The following PLCXD3 variants were observed in gnomAD, a reference collection of about 807,000 sequenced individuals.
PLCXD3 encodes PI-PLC X domain-containing protein 3.
Under a neutral mutation model 25.5 loss-of-function variants are expected in PLCXD3, and 19 were observed. The observed-to-expected ratio is 0.75, with a 90% CI of 0.52 to 1.09. The LOEUF (loss-of-function observed/expected upper bound fraction) is 1.09. PLCXD3 is among the 50% of genes least tolerant of loss of function. PLCXD3 has a pLI of 0.00. For synonymous variants in PLCXD3, 174 were observed against 137.6 expected, an observed-to-expected ratio of 1.26 and a Z score of -1.85; for missense variants, 411 against 388.1, an observed-to-expected ratio of 1.06 and a Z score of -0.50.
chr5:41,343,285 T>C (rs984364967), intron 2 of PLCXD3, among the ~76,000 whole-genome samples: 1 of 152,130 alleles, frequency 6.6e-6, no homozygotes, highest in African/African-American at 2.4e-5. Flanking sequence ...GATTTTTTCC[T>C]TCAAGTGGAA....
chr5:41,313,649 A>T lies in PLCXD3; in HGVS notation c.934T>A (p.Tyr312Asn), dbSNP rs759428555. Reference protein sequence around the residue: ...DFISTVIKLNYVFDEGEANT With the variant: ...DFISTVIKLNNVFDEGEANT ...TTGGCTTCTCCTTCATCAAAGACAT[A>T]GTTGAGCTTTATGACAGTGCTGATA... is the stretch of plus-strand genomic sequence containing the variant. Residue 312 changes from tyrosine (Y) to asparagine (N), a missense_variant, in exon 3 of 3, where the codon TAT becomes AAT. Physicochemically the swap from Tyr to Asn is moderately radical, Grantham distance 143. Coordinates refer to ENST00000377801, the MANE Select transcript of PLCXD3 (RefSeq NM_001005473.3). 5.0e-6 allele frequency: 8 copies of T among 1,613,738 alleles called. No individual in the cohort carries two copies. In the East Asian group the frequency reaches 1.8e-4, roughly 36 times the overall value.
chr5:41,354,690 G>A (rs559062838), intron 2 of PLCXD3, among the ~76,000 whole-genome samples: 5 of 152,090 alleles, frequency 3.3e-5, no homozygotes, highest in Non-Finnish European at 7.4e-5. Context: ...GGATGTTGGT[G>A]TGATAACTCC....
chr5:41,498,744 A>T (rs1336484100), intron 1 of PLCXD3, among the ~76,000 whole-genome samples: 1 of 151,874 alleles, frequency 6.6e-6, no homozygotes, highest in Non-Finnish European at 1.5e-5. Context: ...ACATAAATGA[A>T]TAAATCCTCA....
At chr5:41,403,394 A>G (rs372779857) in intron 1 of PLCXD3, among the ~76,000 whole-genome samples, 1 of 15,736 alleles carries the variant, frequency 6.4e-5, no homozygotes, top group Non-Finnish European at 1.7e-4. Flanking sequence ...AGATTGACTT[A>G]TTTGTTGTTT....
chr5:41,434,458 T>A (rs1306307712), intron 1 of PLCXD3, among the ~76,000 whole-genome samples: 1 of 152,150 alleles, frequency 6.6e-6, no homozygotes, highest in Non-Finnish European at 1.5e-5. Flanking sequence ...CTAGGGAGGT[T>A]CATGGAGCTC....
intron 2 of PLCXD3, among the ~76,000 whole-genome samples, chr5:41,355,018 A>G (rs1231538455): frequency 6.6e-6 from 1 of 152,200 alleles, no homozygotes; most frequent in Non-Finnish European, 1.5e-5. Context: ...CACAGAAAAC[A>G]TGTAGTTTTC....
chr5:41,331,398 C>T (rs1179182156), intron 2 of PLCXD3, among the ~76,000 whole-genome samples: 1 of 152,100 alleles, frequency 6.6e-6, no homozygotes, highest in Non-Finnish European at 1.5e-5. Flanking sequence ...AAGTGAAGGA[C>T]CTCTTCAAGG....
At chr5:41,334,802 G>C (rs979703129) in intron 2 of PLCXD3, among the ~76,000 whole-genome samples, 1 of 152,000 alleles carries the variant, frequency 6.6e-6, no homozygotes, top group Non-Finnish European at 1.5e-5. Flanking sequence ...CTGTCCTCAG[G>C]CTCATCGTTT....
At chr5:41,315,772 A>T (rs1453368077) in intron 2 of PLCXD3, among the ~76,000 whole-genome samples, 1 of 152,212 alleles carries the variant, frequency 6.6e-6, no homozygotes, top group East Asian at 1.9e-4. Flanking sequence ...ATTGTGAGGC[A>T]TTAAACTCAG....
At chr5:41,441,055 T>A (rs1317564048) in intron 1 of PLCXD3, among the ~76,000 whole-genome samples, 2 of 152,212 alleles carry the variant, frequency 1.3e-5, no homozygotes, top group African/African-American at 4.8e-5. Flanking sequence ...TCTAACCTTA[T>A]AAACTACTCT....
chr5:41,505,388 C>A (rs1373355936), intron 1 of PLCXD3, among the ~76,000 whole-genome samples: 4 of 152,120 alleles, frequency 2.6e-5, no homozygotes, highest in Non-Finnish European at 5.9e-5. Flanking sequence ...CAAGATAGGT[C>A]ATTTTCTATT....
intron 2 of PLCXD3, among the ~76,000 whole-genome samples, chr5:41,380,085 C>T (rs1561252182): frequency 1.3e-5 from 2 of 152,000 alleles, no homozygotes; most frequent in South Asian, 4.2e-4. Flanking sequence ...TGCCAACAAC[C>T]CCCAAATGAG....
At chr5:41,389,270 T>C (rs1451249168) in intron 1 of PLCXD3, among the ~76,000 whole-genome samples, 1 of 152,136 alleles carries the variant, frequency 6.6e-6, no homozygotes, top group Non-Finnish European at 1.5e-5. Context: ...TGTTACAAGA[T>C]ACTGGCATCA....
At chr5:41,455,053 A>G (rs753595865) in intron 1 of PLCXD3, among the ~76,000 whole-genome samples, 1 of 151,806 alleles carries the variant, frequency 6.6e-6, no homozygotes, top group Non-Finnish European at 1.5e-5. Flanking sequence ...TATCACCAGA[A>G]CAGCATGGGG....
chr5:41,430,942 A>G (rs1747084314), intron 1 of PLCXD3, among the ~76,000 whole-genome samples: 1 of 152,224 alleles, frequency 6.6e-6, no homozygotes, highest in Non-Finnish European at 1.5e-5. Flanking sequence ...CTAATTTGGA[A>G]AAGTATTCTT....
At chr5:41,332,973 T>G (rs1339434826) in intron 2 of PLCXD3, among the ~76,000 whole-genome samples, 1 of 152,000 alleles carries the variant, frequency 6.6e-6, no homozygotes, top group Non-Finnish European at 1.5e-5. Context: ...AGGGATAGCT[T>G]TAGGAGATAT....
At chr5:41,491,246 G>C (rs1748662242) in intron 1 of PLCXD3, among the ~76,000 whole-genome samples, 1 of 152,192 alleles carries the variant, frequency 6.6e-6, no homozygotes, top group South Asian at 2.1e-4. Context: ...TGAGTGGTTT[G>C]AGTGAGTTTC....
chr5:41,408,271 G>T (rs1018090056), intron 1 of PLCXD3, among the ~76,000 whole-genome samples: 5 of 152,176 alleles, frequency 3.3e-5, no homozygotes, highest in Non-Finnish European at 7.4e-5. Context: ...CCCACACTTT[G>T]AATGTGAGGT....
At chr5:41,367,287 C>A (rs117231200) in intron 2 of PLCXD3, among the ~76,000 whole-genome samples, 1 of 152,184 alleles carries the variant, frequency 6.6e-6, no homozygotes, top group Non-Finnish European at 1.5e-5. Context: ...TTCTCCACAG[C>A]CTCGCCCGTG....
Sources: gnomAD v4.1 joint callset for allele counts (sites outside exome capture counted in the v4.1 genomes callset) on GRCh38, gnomAD v4.1.1 for gene constraint, MANE v1.5 for transcripts, NCBI Gene and HGNC (gene_info 2026-07-23, HGNC 2026-07-21) for gene names.